The following PIEZO1 variants were observed in gnomAD, a reference collection of about 807,000 sequenced individuals.
PIEZO1 encodes the protein piezo type mechanosensitive ion channel component 1 (Er blood group), also known as piezo-type mechanosensitive ion channel component 1.
Under a neutral mutation model 297.2 loss-of-function variants are expected in PIEZO1, and 296 were observed. The ratio of observed to expected loss-of-function variants is 1.00; its 90% CI spans 0.91 to 1.10. The LOEUF (loss-of-function observed/expected upper bound fraction) is 1.10, where lower values mean the gene tolerates loss of function less well. Ranked by LOEUF, PIEZO1 falls within the 50% of genes least tolerant of loss-of-function variation. The pLI is 0.00. For synonymous variants in PIEZO1, 2,427 were observed against 1,507.5 expected, an observed-to-expected ratio of 1.61 and a Z score of -14.13; for missense variants, 5,018 against 3,455.5, an observed-to-expected ratio of 1.45 and a Z score of -11.34.
intron 2 of PIEZO1, among the ~76,000 whole-genome samples, chr16:88,748,977 T>C (rs369998185): frequency 0.015 from 1,987 of 132,384 alleles, 23 homozygotes; most frequent in African/African-American, 0.041. Flanking sequence ...GTGGCTCACG[T>C]CTGTAATCCC....
At chr16:88,717,468 G>A (rs771158884) in intron 44 of PIEZO1, 24 of 600,080 alleles carry the variant, frequency 4.0e-5, no homozygotes, top group South Asian at 8.0e-5. Flanking sequence ...TTTTCAACAC[G>A]GTGCAGGCAC....
At position 88,716,045 on chromosome 16, in the gene PIEZO1, C is replaced by A; in HGVS notation, c.7204G>T (p.Glu2402Ter). 2 of 1,550,220 alleles carry A rather than the reference C, an allele frequency of 1.3e-6. No homozygotes were observed. The highest frequency in any genetic ancestry group is 1.7e-6 in the Non-Finnish European group (2 of 1,146,910). ...EQGAGATGFL[E>*]WWVIELQECR... ...TCCTGCAGCTCGATGACCCACCATT[C>A]GAGGAAGCCGGTGGCCCCCGCACCC... The change falls in exon 50 of 51, where the codon GAA (glutamate) becomes TAA (stop). Residue 2402 changes from glutamate (E) to a stop codon, truncating the protein, a stop_gained. Coordinates refer to ENST00000301015, the MANE Select transcript of PIEZO1 (RefSeq NM_001142864.4). LOFTEE classifies it high-confidence loss of function.
Position 88,722,834 on chromosome 16 carries a change from C to T in PIEZO1, c.4668+3G>A, listed in dbSNP as rs1904291434. The T allele has an allele frequency of 3.2e-6, 5 of 1,544,656 alleles. No individual in the cohort carries two copies. The highest frequency in any genetic ancestry group is 1.4e-5 in the African/African-American group (1 of 73,018). On this transcript the variant is annotated splice_donor_region_variant and intron_variant, in intron 34 of 50. Coordinates refer to ENST00000301015, the MANE Select transcript of PIEZO1 (RefSeq NM_001142864.4). ...GACGAGCGTGGTGCACGGGCAGGCT[C>T]ACCTGCAGGAGCTCCTGTGTGAGGA...
chr16:88,724,018 CCCAGCCAGACCCCCTCCG>C, intron 30 of PIEZO1, 47 bp from the exon 31 acceptor site: 11 of 1,139,868 alleles, frequency 9.7e-6, no homozygotes, highest in African/African-American at 1.5e-5. Flanking sequence ...CAGGGAGACT[CCCAGCCAGACCCCCTCCG>C]CCTGCATGGG....
chr16:88,729,844 C>G (rs1283746872), intron 22 of PIEZO1, among the ~76,000 whole-genome samples: 1 of 151,368 alleles, frequency 6.6e-6, no homozygotes, highest in Non-Finnish European at 1.5e-5. Context: ...CAAAGTGACC[C>G]TCGATGCTGG....
Position 88,715,511 on chromosome 16 carries a change from G to T in PIEZO1, c.*94C>A, listed in dbSNP as rs1911927063. ...GCATCACAGCTGGCGGCCTTGGACG[G>T]GGCAGTGGCTCCCCCGGCCTGAGGA... On this transcript the variant is annotated 3_prime_UTR_variant, in exon 51 of 51. Transcript: ENST00000301015. 10 of 1,303,384 alleles carry T rather than the reference G, an allele frequency of 7.7e-6. No individual in the cohort carries two copies. The Admixed American group carries it at 1.7e-4, about 22-fold the overall frequency. The allele number at this position is 1,303,384 out of a possible 1,614,324, so 80.7% of individuals were successfully genotyped here. A position where few individuals can be genotyped will look rare whatever the true frequency, so the allele number is the denominator to read the frequency against.
rs1435529284 is a variant in PIEZO1 at position 88,784,874 on chromosome 16, G to A, written c.64+27C>T. The A allele has an allele frequency of 1.0e-5, 14 of 1,406,926 alleles. No homozygotes were observed. The African/African-American group carries it at 1.5e-4, about 15-fold the overall frequency. The allele number at this position is 1,406,926 out of a possible 1,614,324, so 87.2% of individuals were successfully genotyped here. On this transcript the variant is annotated intron_variant, in intron 1 of 50. Transcript: ENST00000301015. ...AGCCGAGACGCAGCCCCCTCCCGTC[G>A]CCCCCAGGCGCCCGCCCCCCACTCA...
chr16:88,775,930 C>T (rs1907641233), intron 1 of PIEZO1, among the ~76,000 whole-genome samples: 2 of 152,150 alleles, frequency 1.3e-5, no homozygotes, highest in African/African-American at 4.8e-5. Flanking sequence ...CAAAGGCCCT[C>T]GTTAAGCACC....
chr16:88,749,977 G>A (rs1443699206), intron 1 of PIEZO1, among the ~76,000 whole-genome samples: 1 of 151,632 alleles, frequency 6.6e-6, no homozygotes, highest in African/African-American at 2.4e-5. Context: ...ACACTGAGAT[G>A]GCACCACTGC....
chr16:88,737,219 T>G, intron 10 of PIEZO1: 2 of 289,356 alleles, frequency 6.9e-6, no homozygotes, highest in Non-Finnish European at 6.6e-6. Flanking sequence ...CTGGGCCACC[T>G]GGAGCAGCTC....
At position 88,723,869 on chromosome 16, in the gene PIEZO1, A is replaced by T; in HGVS notation, c.4335+2T>A. ...GGGGCCGACGGGGCTCTCCCACCTC[A>T]CCTGGAAGGCACTCTGTGCCGACGG... On this transcript the variant is annotated splice_donor_variant, in intron 31 of 50. Coordinates refer to ENST00000301015, the MANE Select transcript of PIEZO1 (RefSeq NM_001142864.4). LOFTEE classifies it high-confidence loss of function. The T allele has an allele frequency of 6.7e-7, 1 of 1,499,520 alleles. No homozygotes were observed. The highest frequency in any genetic ancestry group is 9.1e-7 in the Non-Finnish European group (1 of 1,100,426). The allele number at this position is 1,499,520 out of a possible 1,614,324, so 92.9% of individuals were successfully genotyped here. A position where few individuals can be genotyped will look rare whatever the true frequency, so the allele number is the denominator to read the frequency against.
At position 88,784,945 on chromosome 16, in the gene PIEZO1, C is replaced by A; in HGVS notation, c.20G>T (p.Gly7Val). MEPHVL[G>V]AVLYWLLLPC... is the part of the protein sequence containing the mutation. ...CAGCAGCAGCCAGTACAGGACCGCG[C>A]CGAGCACGTGCGGCTCCATGGCTGG... is the stretch of plus-strand genomic sequence containing the variant. The change falls in exon 1 of 51, where the codon GGC becomes GTC. Residue 7 changes from glycine (G) to valine (V), a missense_variant. Physicochemically the swap from Gly to Val is moderately radical, Grantham distance 109 (BLOSUM62 -3). Transcript: ENST00000301015. 7.2e-7 allele frequency: 1 copy of A among 1,392,276 alleles called. No individual in the cohort carries two copies. Among genetic ancestry groups the A allele is most frequent in the Non-Finnish European group, 9.4e-7 (1 of 1,065,332 alleles). 86.2% of individuals were successfully genotyped at this position (1,392,276 alleles called of 1,614,324 possible).
At position 88,722,703 on chromosome 16, in the gene PIEZO1, C is replaced by A; in HGVS notation, c.4669-14G>T. The A allele has an allele frequency of 1.3e-5, 20 of 1,534,486 alleles. No homozygotes were observed. Among genetic ancestry groups the A allele is most frequent in the Non-Finnish European group, 1.6e-5 (18 of 1,144,380 alleles). ...CACTTCGCCGCCCTGCAGGGCACAG[C>A]AGGGGGCTCAGGGCTGCGTCCAGCT... On this transcript the variant is annotated splice_polypyrimidine_tract_variant and intron_variant, in intron 34 of 50. Coordinates refer to ENST00000301015, the MANE Select transcript of PIEZO1 (RefSeq NM_001142864.4).
At position 88,743,422 on chromosome 16, in the gene PIEZO1, C is replaced by G; in HGVS notation, c.161-1000G>C. The stretch of plus-strand genomic sequence containing the variant: ...GGGCAGCAACTCCTGCACCACCAGC[C>G]ACGCCCGGCCACGAGAAAGTGCAGA... On this transcript the variant is annotated intron_variant, in intron 2 of 50. Coordinates refer to ENST00000301015, the MANE Select transcript of PIEZO1 (RefSeq NM_001142864.4). 4 of 437,278 alleles carry G rather than the reference C, an allele frequency of 9.1e-6. 1 individual carries two copies. The allele number at this position is 437,278 out of a possible 1,614,324, so 27.1% of individuals were successfully genotyped here.
At chr16:88,781,512 C>T (rs1318093475) in intron 1 of PIEZO1, among the ~76,000 whole-genome samples, 1 of 152,260 alleles carries the variant, frequency 6.6e-6, no homozygotes, top group African/African-American at 2.4e-5. Context: ...CATCCAGCCT[C>T]CAGGCCCAGC....
At position 88,717,229 on chromosome 16, in the gene PIEZO1, A is replaced by C. The variant is rs1311897219; in HGVS notation, c.6472-18T>G. On this transcript the variant is annotated intron_variant, in intron 44 of 50. Coordinates refer to ENST00000301015, the MANE Select transcript of PIEZO1 (RefSeq NM_001142864.4). ...GGGTATTTCTGGAGGGGAACGACAC[A>C]GGTCATACGCTCAGCTCTGCCCTTC... is the stretch of plus-strand genomic sequence containing the variant. 6.5e-7 allele frequency: 1 copy of C among 1,543,482 alleles called. No homozygotes were observed. Among genetic ancestry groups the C allele is most frequent in the South Asian group, 1.2e-5 (1 of 84,022 alleles).
intron 1 of PIEZO1, among the ~76,000 whole-genome samples, chr16:88,754,586 G>A (rs371203621): frequency 6.6e-6 from 1 of 152,182 alleles, no homozygotes; most frequent in Non-Finnish European, 1.5e-5. Context: ...CAAGCCTGAC[G>A]AGGCCTGAAG....
rs193077397 is a variant in PIEZO1 at position 88,722,824 on chromosome 16, C to A, written c.4668+13G>T. The A allele has an allele frequency of 2.3e-5, 35 of 1,542,456 alleles. No homozygotes were observed. Among genetic ancestry groups the A allele is most frequent in the Middle Eastern group, 1.7e-4 (1 of 5,930 alleles). ...GCAGAGCAGGGACGAGCGTGGTGCA[C>A]GGGCAGGCTCACCTGCAGGAGCTCC... On this transcript the variant is annotated intron_variant, in intron 34 of 50. Transcript: ENST00000301015.
Position 88,725,506 on chromosome 16 carries a change from G to A in PIEZO1, c.4072C>T (p.Arg1358Cys), listed in dbSNP as rs756872431. 6.2e-5 allele frequency: 95 copies of A among 1,530,802 alleles called. No homozygotes were observed. In the East Asian group the frequency reaches 2.0e-3, roughly 33 times the overall value. 94.8% of individuals were successfully genotyped at this position (1,530,802 alleles called of 1,614,324 possible). The change falls in exon 29 of 51, where the codon CGT becomes TGT. Residue 1358 changes from arginine to cysteine, a missense_variant. Arg to Cys is a radical substitution (Grantham distance 180). Transcript: ENST00000301015. ...AQLKRQMERI[R>C]AKQEKHRQGR... ...TGCCTGTGCTTCTCCTGCTTGGCAC[G>A]GATACGCTCCATCCTGTGGTGGGGA... is the stretch of plus-strand genomic sequence containing the variant.
Sources: allele counts gnomAD v4.1 joint callset (sites outside exome capture counted in the v4.1 genomes callset), GRCh38; gene constraint gnomAD v4.1.1; transcripts MANE v1.5; gene names NCBI Gene and HGNC (gene_info 2026-07-23, HGNC 2026-07-21).